TGDS: variants seen among roughly 807,000 people sequenced by gnomAD.
The protein encoded by TGDS is UDP-D-glucose 4,6-dehydratase.
A neutral mutation model predicts 52.3 loss-of-function variants in TGDS; 47 were observed. The ratio of observed to expected loss-of-function variants is 0.90; its 90% CI spans 0.71 to 1.15. TGDS has a LOEUF of 1.15. TGDS is among the 50% of genes most tolerant of loss of function. The pLI, the probability that TGDS is intolerant of heterozygous loss-of-function variation, is 0.00. For missense variants in TGDS, 375 were observed against 418.4 expected, an observed-to-expected ratio of 0.90 and a Z score of 0.90; for synonymous variants, 115 against 136.9, an observed-to-expected ratio of 0.84 and a Z score of 1.12.
chr13:94,593,734 G>T, intron 2 of TGDS, 107 bp downstream of exon 2: 1 of 840,168 alleles, frequency 1.2e-6, no homozygotes, highest in South Asian at 1.6e-5. Context: ...TTGCTAAAAT[G>T]ACTAAATAAA....
rs542296025 is a variant in TGDS, at chr13:94,595,712, G to A, written c.86+339C>T. 6.6e-5 allele frequency among the ~76,000 whole-genome samples: 10 copies of A among 152,200 alleles called. No homozygotes were observed. In the South Asian group the frequency reaches 1.9e-3, roughly 28 times the overall value. On this transcript the variant is annotated intron_variant, in intron 1 of 11. Coordinates refer to ENST00000261296, the MANE Select transcript of TGDS (RefSeq NM_014305.4). ...GCCTATATGTACAGGGCCCATCGTGGGGTGTGGGTGCTCTAGGCTGGAGGT... is the reference window on the plus strand; with the variant it reads ...GCCTATATGTACAGGGCCCATCGTGAGGTGTGGGTGCTCTAGGCTGGAGGT...
chr13:94,578,611 T>C, intron 8 of TGDS, 119 bp downstream of exon 8: 1 of 722,840 alleles, frequency 1.4e-6, no homozygotes, highest in Non-Finnish European at 2.4e-6. Context: ...AAATGATTCT[T>C]AAATTTAGTG....
At chr13:94,596,243 A>G (rs921449928), upstream of TGDS, 36 of 1,243,240 alleles carry the variant, frequency 2.9e-5, no homozygotes, top group Non-Finnish European at 4.0e-5. Context: ...ACACGTTAAC[A>G]GAGCAGCCAG....
intron 5 of TGDS, among the ~76,000 whole-genome samples, chr13:94,582,123 G>T (rs1888816304): frequency 6.6e-6 from 1 of 151,996 alleles, no homozygotes; most frequent in Admixed American, 6.6e-5. Flanking sequence ...GCTTGAACCT[G>T]GGAGGCGGAG....
In TGDS at chr13:94,581,179, T is replaced by G; in HGVS notation, c.467A>C (p.Glu156Ala). 2 of 1,568,604 alleles carry G rather than the reference T, an allele frequency of 1.3e-6. No individual in the cohort carries two copies. The highest frequency in any genetic ancestry group is 1.7e-6 in the Non-Finnish European group (2 of 1,157,970). The change falls in exon 6 of 12, where the codon GAA becomes GCA. Residue 156 changes from glutamate (E) to alanine (A), a missense_variant. Physicochemically the swap from Glu to Ala is moderately radical, Grantham distance 107 (BLOSUM62 -1). Transcript: ENST00000261296. ...ATTTGTAGGTTGTTTGGGTGAAGAT[T>G]CATCAAATTCCTATTTTTAAAAATA... is the stretch of plus-strand genomic sequence containing the variant. ...YGGSLDKEFDESSPKQPTNPY... is the reference protein window; with the variant it reads ...YGGSLDKEFDASSPKQPTNPY...
In TGDS at chr13:94,578,745, T is replaced by C; in HGVS notation, c.644A>G (p.Gln215Arg). 6.5e-7 allele frequency: 1 copy of C among 1,533,004 alleles called. No individual in the cohort carries two copies. The highest frequency in any genetic ancestry group is 9.0e-7 in the Non-Finnish European group (1 of 1,111,280). The allele number at this position is 1,533,004 out of a possible 1,614,324, so 95.0% of individuals were successfully genotyped here. A position where few individuals can be genotyped will look rare whatever the true frequency, so the allele number is the denominator to read the frequency against. Residue 215 changes from glutamine to arginine, a missense_variant, in exon 8 of 12, where the codon CAG becomes CGG. Transcript: ENST00000261296. Reference protein sequence around the residue: ...KVIPKFISLLQHNRKCCIHGS... With the variant: ...KVIPKFISLLRHNRKCCIHGS... ...AATAACATACCATTTCCTGTTGTGC[T>C]GTAGCAAAGATATAAATTTTGGAAT...
At chr13:94,575,580 T>C (rs1195217791) in intron 11 of TGDS, among the ~76,000 whole-genome samples, 1 of 151,814 alleles carries the variant, frequency 6.6e-6, no homozygotes, top group Non-Finnish European at 1.5e-5. Context: ...TGAGCCACTA[T>C]GCCCAGCACC....
intron 4 of TGDS, among the ~76,000 whole-genome samples, chr13:94,584,783 A>G (rs377320594): frequency 4.2e-4 from 64 of 152,356 alleles, no homozygotes; most frequent in African/African-American, 1.4e-3. Flanking sequence ...GTCATGTCAA[A>G]AAGGACTCAG....
intron 4 of TGDS, among the ~76,000 whole-genome samples, chr13:94,589,645 T>C (rs908517028): frequency 1.3e-5 from 2 of 152,110 alleles, no homozygotes; most frequent in African/African-American, 2.4e-5. Context: ...CAGCATTTCA[T>C]AAAGGAGAAA....
chr13:94,582,929 T>A (rs187735327), intron 5 of TGDS, among the ~76,000 whole-genome samples, 165 bp downstream of exon 5: 56 of 152,306 alleles, frequency 3.7e-4, no homozygotes, highest in Admixed American at 1.2e-3. Context: ...AATTCCCCTT[T>A]ATATATCTAT....
chr13:94,580,525 G>A (rs543368415), intron 6 of TGDS, among the ~76,000 whole-genome samples: 6 of 152,176 alleles, frequency 3.9e-5, no homozygotes, highest in African/African-American at 1.4e-4. Context: ...AGCCACCAGG[G>A]GCAAGTCTAC....
intron 4 of TGDS, among the ~76,000 whole-genome samples, chr13:94,585,529 G>A (rs1049742563): frequency 2.6e-5 from 4 of 152,078 alleles, no homozygotes; most frequent in African/African-American, 9.7e-5. Flanking sequence ...AGGACATGGT[G>A]GCTAATGCCC....
At position 94,581,198 on chromosome 13, in the gene TGDS, A is replaced by T. The variant is rs140881054; in HGVS notation, c.457-9T>A. On this transcript the variant is annotated splice_polypyrimidine_tract_variant and intron_variant, in intron 5 of 11. Coordinates refer to ENST00000261296, the MANE Select transcript of TGDS (RefSeq NM_014305.4). ...GAAGATTCATCAAATTCCTATTTTT[A>T]AAAATATATATTTAAAAAAGTGTTA... The T allele has an allele frequency of 1.3e-5, 19 of 1,503,666 alleles. No homozygotes were observed. The East Asian group carries it at 3.8e-4, about 30-fold the overall frequency. The allele number at this position is 1,503,666 out of a possible 1,614,324, so 93.1% of individuals were successfully genotyped here.
chr13:94,596,201 C>A, upstream of TGDS: 3 of 1,542,918 alleles, frequency 1.9e-6, no homozygotes, highest in Non-Finnish European at 2.6e-6. Flanking sequence ...GAAGTTCCGC[C>A]GCGACCTTTT....
chr13:94,580,034 T>C (rs1888731269), intron 6 of TGDS, 81 bp from the exon 7 acceptor site: 4 of 892,038 alleles, frequency 4.5e-6, no homozygotes, highest in African/African-American at 1.7e-5. Flanking sequence ...AATTTCAAAA[T>C]ATGGGCACCT....
In TGDS at chr13:94,595,203, A is replaced by AGAAGTGT. The variant is rs761532325; in HGVS notation, c.86+841_86+847dup. On this transcript the variant is annotated intron_variant, in intron 1 of 11. Transcript: ENST00000261296. ...GAAGCAAGTGCAAAGGCCTCAAGAC[A>AGAAGTGT]GAAGTGTGTATCTTGGTGTGTTCCA... Among the ~76,000 whole-genome samples the AGAAGTGT allele has an allele frequency of 8.5e-5, 13 of 152,192 alleles. No homozygotes were observed. The South Asian group carries it at 2.5e-3, about 29-fold the overall frequency.
chr13:94,593,882 C>A lies in TGDS; in HGVS notation c.112G>T (p.Val38Leu). The A allele has an allele frequency of 6.3e-7, 1 of 1,582,576 alleles. No homozygotes were observed. Among genetic ancestry groups the A allele is most frequent in the Non-Finnish European group, 8.6e-7 (1 of 1,165,784 alleles). Reference sequence around the variant, plus strand: ...ATCATATAGTTTGGATAATCTTCCACTAAAGAGACAATCATATGTGATGCA... The same window carrying A: ...ATCATATAGTTTGGATAATCTTCCAATAAAGAGACAATCATATGTGATGCA... ...FIASHMIVSLVEDYPNYMIIN... is the reference protein window; with the variant it reads ...FIASHMIVSLLEDYPNYMIIN... The change falls in exon 2 of 12, where the codon GTG becomes TTG. Residue 38 changes from valine (V) to leucine (L), a missense_variant. Transcript: ENST00000261296.
At chr13:94,593,036 C>A (rs758448767) in intron 2 of TGDS, among the ~76,000 whole-genome samples, 1 of 152,008 alleles carries the variant, frequency 6.6e-6, no homozygotes, top group African/African-American at 2.4e-5. Flanking sequence ...TGCCTGTAAT[C>A]CCAGCTACTC....
intron 5 of TGDS, among the ~76,000 whole-genome samples, chr13:94,582,687 C>G (rs1034600067): frequency 6.6e-6 from 1 of 152,152 alleles, no homozygotes; most frequent in Non-Finnish European, 1.5e-5. Flanking sequence ...TGAGTATGCA[C>G]CATCTAATCA....
Sources: gnomAD v4.1 joint callset for allele counts (sites outside exome capture counted in the v4.1 genomes callset) on GRCh38, gnomAD v4.1.1 for gene constraint, MANE v1.5 for transcripts, NCBI Gene and HGNC (gene_info 2026-07-23, HGNC 2026-07-21) for gene names.